The following NRXN1 variants were observed in gnomAD, a reference collection of about 807,000 sequenced individuals.
The protein encoded by NRXN1 is neurexin 1.
Under a neutral mutation model 150.9 loss-of-function variants are expected in NRXN1, and 39 were observed. That is an observed-to-expected ratio of 0.26 (90% confidence interval 0.20 to 0.34). The LOEUF (loss-of-function observed/expected upper bound fraction) is 0.34. Among genes scored for constraint, NRXN1 ranks in the 10% least tolerant of loss-of-function variants. The pLI is 1.00. For missense variants in NRXN1, 1,815 were observed against 1,949.9 expected (o/e 0.93, Z 1.30); for synonymous variants, 924 against 757.0 (o/e 1.22, Z -3.62).
intron 18 of NRXN1, among the ~76,000 whole-genome samples, chr2:50,144,447 A>G (rs935209134): frequency 6.6e-6 from 1 of 151,820 alleles, no homozygotes; most frequent in Admixed American, 6.6e-5. Context: ...GGGGAGAAAC[A>G]GTGTCACACA....
intron 5 of NRXN1, among the ~76,000 whole-genome samples, chr2:50,657,883 A>G (rs188015174): frequency 4.6e-4 from 70 of 152,100 alleles, no homozygotes; most frequent in African/African-American, 1.5e-3. Context: ...AAATGGCAGA[A>G]CCAGGACTAG....
chr2:50,140,176 C>A (rs1352748398), intron 18 of NRXN1, among the ~76,000 whole-genome samples: 2 of 152,092 alleles, frequency 1.3e-5, no homozygotes, highest in Non-Finnish European at 1.5e-5. Context: ...TAGGACTTCA[C>A]ACTTTAAAAT....
chr2:50,607,092 G>C (rs1223763648), intron 8 of NRXN1, among the ~76,000 whole-genome samples: 1 of 152,098 alleles, frequency 6.6e-6, no homozygotes, highest in Admixed American at 6.6e-5. Context: ...CACAAATTCA[G>C]TTTAGGGGAA....
chr2:50,824,130 C>T (rs1432729769), intron 5 of NRXN1, among the ~76,000 whole-genome samples: 1 of 152,092 alleles, frequency 6.6e-6, no homozygotes, highest in Non-Finnish European at 1.5e-5. Context: ...CACCAAACTA[C>T]ATTTTTTTCA....
chr2:51,027,756 G>T lies in NRXN1; in HGVS notation c.518C>A (p.Ser173Ter). The change falls in exon 2 of 23, where the codon TCG (serine) becomes TAG (stop). Residue 173 changes from serine to a stop codon, truncating the protein, a stop_gained. Coordinates refer to ENST00000401669, the MANE Select transcript of NRXN1 (RefSeq NM_001330078.2). LOFTEE classifies it high-confidence loss of function. ...CTTGAAGGGCTCCCGCTCCCTCACC[G>T]AGGCCAGGGTGAGCTTGAGCGCCGC... is the stretch of plus-strand genomic sequence containing the variant. ...RAAALKLTLA[S>*]VREREPFKGW... 1 of 1,612,112 alleles carries T rather than the reference G, an allele frequency of 6.2e-7. No homozygotes were observed. Among genetic ancestry groups the T allele is most frequent in the Non-Finnish European group, 8.5e-7 (1 of 1,179,162 alleles).
chr2:50,099,518 G>C (rs759095029), intron 18 of NRXN1, among the ~76,000 whole-genome samples: 4 of 152,008 alleles, frequency 2.6e-5, no homozygotes, highest in Non-Finnish European at 4.4e-5. Context: ...CTTTTGATGA[G>C]ATAATGCATA....
At chr2:50,866,664 T>A (rs565252238) in intron 5 of NRXN1, among the ~76,000 whole-genome samples, 1 of 151,934 alleles carries the variant, frequency 6.6e-6, no homozygotes, top group Non-Finnish European at 1.5e-5. Flanking sequence ...TGGTCTGTAC[T>A]GACATAGAGA....
chr2:50,236,755 A>C (rs1355767401), intron 18 of NRXN1, 34 bp downstream of exon 18: 1 of 1,604,666 alleles, frequency 6.2e-7, no homozygotes, highest in African/African-American at 1.3e-5. Context: ...AACAGTAAAA[A>C]GTAAAAGCTG....
At chr2:50,597,444 C>G (rs1196520424) in intron 8 of NRXN1, among the ~76,000 whole-genome samples, 6 of 152,154 alleles carry the variant, frequency 3.9e-5, no homozygotes, top group East Asian at 1.9e-4. Flanking sequence ...AGTGCCCTAC[C>G]CTGGGATACA....
intron 2 of NRXN1, among the ~76,000 whole-genome samples, chr2:50,988,338 T>A (rs1219230914): frequency 6.6e-6 from 1 of 151,950 alleles, no homozygotes; most frequent in Non-Finnish European, 1.5e-5. Flanking sequence ...TGCAAACCAT[T>A]TACATTTATT....
intron 18 of NRXN1, among the ~76,000 whole-genome samples, chr2:50,196,566 A>T (rs1220105379): frequency 6.6e-6 from 1 of 152,168 alleles, no homozygotes; most frequent in Non-Finnish European, 1.5e-5. Context: ...ATCAGTGTAG[A>T]AGTGAGGCAA....
intron 17 of NRXN1, among the ~76,000 whole-genome samples, chr2:50,278,244 A>ATATATGTATTATATATATTT: frequency 8.1e-6 from 1 of 123,648 alleles, no homozygotes; most frequent in Admixed American, 9.9e-5. Context: ...TATATATAAT[A>ATATATGTATTATATATATTT]TATATATATA....
intron 5 of NRXN1, among the ~76,000 whole-genome samples, chr2:50,897,679 G>A (rs1682213070): frequency 6.6e-6 from 1 of 152,180 alleles, no homozygotes; most frequent in Admixed American, 6.5e-5. Context: ...CATACTTGGT[G>A]ATTCCAATTA....
chr2:50,007,663 G>A (rs1684991553), intron 21 of NRXN1, among the ~76,000 whole-genome samples: 1 of 152,066 alleles, frequency 6.6e-6, no homozygotes. Flanking sequence ...CCAAGTCTTT[G>A]CTATTGTGAA....
intron 17 of NRXN1, among the ~76,000 whole-genome samples, chr2:50,433,023 A>G (rs1264424673): frequency 6.6e-6 from 1 of 152,216 alleles, no homozygotes. Flanking sequence ...CCCTCAGAGA[A>G]AGAATTTCCT....
chr2:50,169,570 G>A (rs1392478598), intron 18 of NRXN1, among the ~76,000 whole-genome samples: 1 of 151,906 alleles, frequency 6.6e-6, no homozygotes, highest in South Asian at 2.1e-4. Flanking sequence ...AAAATTAGCT[G>A]GTCATGGTAG....
chr2:50,311,941 G>A (rs141376081), intron 17 of NRXN1, among the ~76,000 whole-genome samples: 1 of 152,008 alleles, frequency 6.6e-6, no homozygotes, highest in Non-Finnish European at 1.5e-5. Context: ...AGTCAAAATG[G>A]TTTAATCATG....
intron 17 of NRXN1, among the ~76,000 whole-genome samples, chr2:50,430,548 G>T (rs2084882479): frequency 6.6e-6 from 1 of 152,034 alleles, no homozygotes; most frequent in Admixed American, 6.6e-5. Context: ...GTGATGTCTT[G>T]GTATAGTTTA....
chr2:50,443,040 G>C (rs916157199), intron 17 of NRXN1, among the ~76,000 whole-genome samples: 3 of 152,136 alleles, frequency 2.0e-5, no homozygotes, highest in Non-Finnish European at 4.4e-5. Context: ...GAACGTGGGT[G>C]ACTAATTGAC....
Sources: gnomAD v4.1 joint callset for allele counts (sites outside exome capture counted in the v4.1 genomes callset) on GRCh38, gnomAD v4.1.1 for gene constraint, MANE v1.5 for transcripts, NCBI Gene and HGNC (gene_info 2026-07-23, HGNC 2026-07-21) for gene names.